The following MYO18A variants were observed in gnomAD, a reference collection of about 807,000 sequenced individuals.
The protein encoded by MYO18A is myosin XVIIIA, also known as unconventional myosin-XVIIIa.
MYO18A carries 78 observed loss-of-function variants against 235.8 expected under a neutral mutation model. The observed-to-expected ratio is 0.33, with a 90% CI of 0.28 to 0.40. The LOEUF is 0.40. Among genes scored for constraint, MYO18A ranks in the 10% least tolerant of loss-of-function variants. The probability of loss-of-function intolerance (pLI) is 1.00; values close to 1 mark genes in which losing one functional copy is unlikely to be tolerated. For missense variants in MYO18A, 2,215 were observed against 2,699.3 expected, an observed-to-expected ratio of 0.82 and a Z score of 3.98; for synonymous variants, 977 against 1,077.8, an observed-to-expected ratio of 0.91 and a Z score of 1.83.
chr17:29,113,092 C>T (rs1374987784), intron 15 of MYO18A, among the ~76,000 whole-genome samples: 1 of 152,234 alleles, frequency 6.6e-6, no homozygotes, highest in Non-Finnish European at 1.5e-5. Flanking sequence ...CCGGGAACCA[C>T]AACGGTTCTG....
chr17:29,094,217 C>G (rs2066467955), intron 30 of MYO18A, 127 bp from the exon 31 acceptor site: 5 of 682,584 alleles, frequency 7.3e-6, no homozygotes, highest in Non-Finnish European at 7.5e-6. Context: ...TTGCTGGCAC[C>G]TTGCTCCCGT....
rs1290098582 is a variant in MYO18A at position 29,094,857 on chromosome 17, C to G, written c.4510-7G>C. 6.2e-6 allele frequency: 10 copies of G among 1,613,914 alleles called. No individual in the cohort carries two copies. The highest frequency in any genetic ancestry group is 1.3e-5 in the African/African-American group (1 of 74,934). Reference sequence around the variant, plus strand: ...CAATGTCCATGTCTTTTTCCTGGAGCAAAAGAGATGAGGCTGGTGCAGGGC... The same window carrying G: ...CAATGTCCATGTCTTTTTCCTGGAGGAAAAGAGATGAGGCTGGTGCAGGGC... On this transcript the variant is annotated splice_region_variant and splice_polypyrimidine_tract_variant and intron_variant, in intron 29 of 41. Transcript: ENST00000527372.
chr17:29,096,642 A>G, intron 28 of MYO18A, 119 bp downstream of exon 28: 1 of 1,280,788 alleles, frequency 7.8e-7, no homozygotes, highest in Non-Finnish European at 1.0e-6. Flanking sequence ...TGACCAGGCA[A>G]GCAAGGCCCC....
chr17:29,107,231 G>T (rs1333513328), intron 19 of MYO18A, 42 bp from the exon 20 acceptor site: 1 of 1,583,442 alleles, frequency 6.3e-7, no homozygotes. Context: ...AACGCCACCT[G>T]CTCCCAGCAC....
chr17:29,076,602 T>A (rs1323026528), intron 41 of MYO18A: 1 of 152,018 alleles, frequency 6.6e-6, no homozygotes. Context: ...CATAAATGAG[T>A]CTTACTTTGA....
At chr17:29,143,510 G>A (rs922590016) in intron 2 of MYO18A, among the ~76,000 whole-genome samples, 1 of 150,688 alleles carries the variant, frequency 6.6e-6, no homozygotes, top group African/African-American at 2.5e-5. Flanking sequence ...CCAAAGTGCT[G>A]GGATTACAGG....
Position 29,074,201 on chromosome 17 carries a change from C to A in MYO18A, c.*569G>T. 1 of 1,589,360 alleles carries A rather than the reference C, an allele frequency of 6.3e-7. No individual in the cohort carries two copies. Among genetic ancestry groups the A allele is most frequent in the East Asian group, 2.2e-5 (1 of 44,534 alleles). On this transcript the variant is annotated 3_prime_UTR_variant, in exon 42 of 42. Transcript: ENST00000527372. This position sits in a 1 kb window ranked among gnomAD's most constrained non-coding sequence, Gnocchi z 4.4. Reference sequence around the variant, plus strand: ...GAAGGGTGAAGATGGAGATGACATTCCCGAGTCGTTCTTGGGAGCCCCAGC... The same window carrying A: ...GAAGGGTGAAGATGGAGATGACATTACCGAGTCGTTCTTGGGAGCCCCAGC...
chr17:29,088,147 G>A (rs368642525), intron 37 of MYO18A, among the ~76,000 whole-genome samples: 1,594 of 144,928 alleles, frequency 0.011, 18 homozygotes, highest in Middle Eastern at 0.068. Flanking sequence ...TCCGCCCCCC[G>A]GGGTTCACGC....
At chr17:29,103,716 G>A in intron 20 of MYO18A, 52 bp from the exon 21 acceptor site, 1 of 1,581,268 alleles carries the variant, frequency 6.3e-7, no homozygotes, top group Non-Finnish European at 8.7e-7. Context: ...CCCTCACCAT[G>A]CAGGGCTTTC....
intron 21 of MYO18A, among the ~76,000 whole-genome samples, chr17:29,100,264 C>T (rs924376080): frequency 2.6e-5 from 4 of 152,056 alleles, no homozygotes; most frequent in African/African-American, 4.8e-5. Context: ...TGAGAAGCAG[C>T]GCTGGGGAGC....
At chr17:29,168,589 C>A (rs1320501024) in intron 1 of MYO18A, among the ~76,000 whole-genome samples, 1 of 152,192 alleles carries the variant, frequency 6.6e-6, no homozygotes, top group African/African-American at 2.4e-5. Flanking sequence ...CTGTGTGCTC[C>A]ACCCCTACAA....
At position 29,130,613 on chromosome 17, in the gene MYO18A, G is replaced by A. The variant is rs533082755; in HGVS notation, c.1000-8360C>T. ...GTGCCTGGCTAATCAAACTGACCAA[G>A]GAAGTGCAGGGAGCCAGGACAGGCA... On this transcript the variant is annotated intron_variant, in intron 2 of 41. Coordinates refer to ENST00000527372, the MANE Select transcript of MYO18A (RefSeq NM_078471.4). Among the ~76,000 whole-genome samples the A allele has an allele frequency of 1.6e-4, 25 of 152,028 alleles. No homozygotes were observed. The South Asian group carries it at 4.8e-3, about 29-fold the overall frequency.
intron 39 of MYO18A, among the ~76,000 whole-genome samples, chr17:29,086,167 C>A (rs182639502): frequency 6.6e-6 from 1 of 152,186 alleles, no homozygotes; most frequent in Non-Finnish European, 1.5e-5. Flanking sequence ...TGCAGCTAAA[C>A]GGGAGAATAA....
chr17:29,081,813 A>G (rs1377144860), intron 41 of MYO18A, among the ~76,000 whole-genome samples: 3 of 152,138 alleles, frequency 2.0e-5, no homozygotes, highest in African/African-American at 7.2e-5. Context: ...ATTAGGAGGA[A>G]AGAAGTGGGG....
chr17:29,155,115 G>C (rs1274155117), intron 2 of MYO18A: 1 of 152,296 alleles, frequency 6.6e-6, no homozygotes, highest in African/African-American at 2.4e-5. Context: ...ATGCCACCCA[G>C]GGCTGAGATA....
At chr17:29,092,535 A>G in intron 33 of MYO18A, 79 bp from the exon 34 acceptor site, 2 of 1,179,806 alleles carry the variant, frequency 1.7e-6, no homozygotes, top group South Asian at 1.3e-5. Flanking sequence ...GGAAAGAGGG[A>G]GCTCGGATGC....
At chr17:29,083,481 C>A (rs2066167478) in intron 40 of MYO18A, among the ~76,000 whole-genome samples, 1 of 137,108 alleles carries the variant, frequency 7.3e-6, no homozygotes, top group Admixed American at 7.4e-5. Flanking sequence ...GGCTCCATTC[C>A]TGAATTATGT....
chr17:29,116,737 C>CG (rs1199332313), intron 10 of MYO18A, among the ~76,000 whole-genome samples: 1 of 29,102 alleles, frequency 3.4e-5, no homozygotes, highest in Non-Finnish European at 2.2e-4. Context: ...CCCCCCCCCC[C>CG]CCCCCCCCGC....
rs769063413 is a variant in MYO18A at position 29,115,726 on chromosome 17, G to A, written c.2165C>T (p.Thr722Ile). The A allele has an allele frequency of 9.3e-6, 15 of 1,604,834 alleles. No homozygotes were observed. Among genetic ancestry groups the A allele is most frequent in the Middle Eastern group, 1.8e-4 (1 of 5,508 alleles). Residue 722 changes from threonine to isoleucine, a missense_variant, in exon 12 of 42, where the codon ACC becomes ATC. Physicochemically the swap from Thr to Ile is moderately conservative, Grantham distance 89. Transcript: ENST00000527372. Reference protein sequence around the residue: ...AIFKHQHKGGTLQRSTSFRQG... With the variant: ...AIFKHQHKGGILQRSTSFRQG... Reference sequence around the variant, plus strand: ...GCGGAAGGAGGTGGAGCGCTGCAGGGTGCCACCCTTGTGCTGGTGCTTGAA... The same window carrying A: ...GCGGAAGGAGGTGGAGCGCTGCAGGATGCCACCCTTGTGCTGGTGCTTGAA...
Sources: gnomAD v4.1 joint callset for allele counts (sites outside exome capture counted in the v4.1 genomes callset) on GRCh38, gnomAD v4.1.1 for gene constraint, Gnocchi (gnomAD v3.1) non-coding constraint, MANE v1.5 for transcripts, NCBI Gene and HGNC (gene_info 2026-07-23, HGNC 2026-07-21) for gene names.